ECM2: variants seen among roughly 807,000 people sequenced by gnomAD.
ECM2 encodes the protein extracellular matrix protein 2, female organ and adipocyte specific.
A neutral mutation model predicts 67.5 loss-of-function variants in ECM2; 57 were observed. The ratio of observed to expected loss-of-function variants is 0.84; its 90% CI spans 0.68 to 1.05. The LOEUF (loss-of-function observed/expected upper bound fraction) is 1.05, where lower values mean the gene tolerates loss of function less well. ECM2 is among the 50% of genes least tolerant of loss of function. The pLI, the probability that ECM2 is intolerant of heterozygous loss-of-function variation, is 0.00. For missense variants in ECM2, 741 were observed against 822.8 expected, an observed-to-expected ratio of 0.90 and a Z score of 1.22; for synonymous variants, 258 against 294.5, an observed-to-expected ratio of 0.88 and a Z score of 1.27.
At chr9:92,497,891 AAAG>A (rs1342719320) in intron 9 of ECM2, among the ~76,000 whole-genome samples, 3 of 150,110 alleles carry the variant, frequency 2.0e-5, no homozygotes, top group Non-Finnish European at 1.5e-5. Flanking sequence ...AAAAAAAAAA[AAAG>A]AAGTCTGGCA....
the ECM2 span, among the ~76,000 whole-genome samples, chr9:92,555,590 A>G: frequency 2.0e-5 from 3 of 152,066 alleles, no homozygotes; most frequent in African/African-American, 7.2e-5. Flanking sequence ...AGGTTATCTA[A>G]TTCTTCCTGA....
chr9:92,538,788 G>A (rs1260327760), upstream of ECM2, among the ~76,000 whole-genome samples: 1 of 152,144 alleles, frequency 6.6e-6, no homozygotes, highest in Non-Finnish European at 1.5e-5. Flanking sequence ...ATGTGGTATT[G>A]GTCACCAAAC....
At chr9:92,536,050 T>C (rs1378417153), upstream of ECM2, 5 of 500,866 alleles carry the variant, frequency 1.0e-5, no homozygotes, top group Non-Finnish European at 2.0e-5. Context: ...TGTTGAAAAG[T>C]ATTTGCTGAA....
chr9:92,545,955 T>C, the ECM2 span, among the ~76,000 whole-genome samples: 2 of 152,256 alleles, frequency 1.3e-5, no homozygotes, highest in East Asian at 3.9e-4. Flanking sequence ...CAGCACTCTG[T>C]CTAGCTCAGG....
At chr9:92,544,514 C>T in the ECM2 span, among the ~76,000 whole-genome samples, 1 of 147,560 alleles carries the variant, frequency 6.8e-6, no homozygotes, top group East Asian at 2.0e-4. Flanking sequence ...TGTTGAGGTA[C>T]ATTCTTTCTA....
At chr9:92,545,998 T>C in the ECM2 span, among the ~76,000 whole-genome samples, 1 of 152,118 alleles carries the variant, frequency 6.6e-6, no homozygotes, top group Non-Finnish European at 1.5e-5. Flanking sequence ...ACCTTGTGTC[T>C]AGCTCAGGGA....
chr9:92,525,653 G>A (rs1181079654), intron 1 of ECM2, among the ~76,000 whole-genome samples: 1 of 152,110 alleles, frequency 6.6e-6, no homozygotes, highest in African/African-American at 2.4e-5. Context: ...CACTTTGGGA[G>A]GCCAAGGTGG....
chr9:92,557,226 G>A, the ECM2 span, among the ~76,000 whole-genome samples: 1 of 152,178 alleles, frequency 6.6e-6, no homozygotes, highest in African/African-American at 2.4e-5. Flanking sequence ...TAGGTTACCT[G>A]GTGCTTCTGT....
rs190254490 is a variant in ECM2 at position 92,501,200 on chromosome 9, G to T, written c.1605-147C>A. On this transcript the variant is annotated intron_variant, in intron 8 of 9. Coordinates refer to ENST00000344604, the MANE Select transcript of ECM2 (RefSeq NM_001393.4). ...TGATTCCAAATAGGAACTTTTCCAG[G>T]TATAGCCAGCCCTAGTCTCTTGCAC... The T allele has an allele frequency of 3.9e-5, 31 of 797,298 alleles. No individual in the cohort carries two copies. The African/African-American group carries it at 5.2e-4, about 13-fold the overall frequency. The allele number at this position is 797,298 out of a possible 1,614,324, so 49.4% of individuals were successfully genotyped here.
the ECM2 span, among the ~76,000 whole-genome samples, chr9:92,552,084 T>C: frequency 1.4e-5 from 2 of 138,628 alleles, no homozygotes; most frequent in Admixed American, 7.1e-5. Context: ...ATCTATCATA[T>C]ATGTGATATG....
chr9:92,508,491 A>G (rs1375048992), intron 6 of ECM2, among the ~76,000 whole-genome samples: 1 of 152,226 alleles, frequency 6.6e-6, no homozygotes, highest in East Asian at 1.9e-4. Flanking sequence ...CATGTTTTAT[A>G]ACATCTCATT....
intron 6 of ECM2, among the ~76,000 whole-genome samples, chr9:92,509,491 G>A (rs1412692366): frequency 1.3e-5 from 2 of 152,198 alleles, no homozygotes; most frequent in African/African-American, 4.8e-5. Flanking sequence ...GACCATCAGA[G>A]TGATAAAGGA....
intron 1 of ECM2, among the ~76,000 whole-genome samples, chr9:92,533,328 A>AAAAAATATAT (rs1554683138): frequency 7.8e-5 from 3 of 38,336 alleles, no homozygotes; most frequent in Non-Finnish European, 1.3e-4. Flanking sequence ...AAAAAAAAAA[A>AAAAAATATAT]ATATATATAT....
the ECM2 span, among the ~76,000 whole-genome samples, chr9:92,553,141 A>G: frequency 2.0e-5 from 3 of 152,094 alleles, no homozygotes; most frequent in Non-Finnish European, 2.9e-5. Flanking sequence ...CTAGCCAATT[A>G]TCTCAGCACC....
At chr9:92,532,043 T>TTTTTTTTTTTTTG (rs1303915728) in intron 1 of ECM2, among the ~76,000 whole-genome samples, 1 of 145,050 alleles carries the variant, frequency 6.9e-6, no homozygotes, top group African/African-American at 2.6e-5. Flanking sequence ...TATTTTTTTT[T>TTTTTTTTTTTTTG]TGAGATGAGG....
the ECM2 span, among the ~76,000 whole-genome samples, chr9:92,545,192 C>T: frequency 1.3e-5 from 2 of 152,028 alleles, no homozygotes; most frequent in Non-Finnish European, 2.9e-5. Context: ...GAGCTCCTTC[C>T]TGGGATGGCC....
At chr9:92,559,042 G>T in the ECM2 span, among the ~76,000 whole-genome samples, 2 of 152,068 alleles carry the variant, frequency 1.3e-5, no homozygotes, top group East Asian at 3.9e-4. Context: ...AAACTTACCC[G>T]AGGCTGTCCA....
Position 92,514,993 on chromosome 9 carries a change from G to C in ECM2, c.692C>G (p.Pro231Arg), listed in dbSNP as rs1477385092. ...AAGTTGCCCCTGATTTCTAGATTCA[G>C]GGGTCTCTCTCTTTTGCTCTGTATC... ...EEDTEQKRET[P>R]ESRNQGQLYS... Residue 231 changes from proline (P) to arginine (R), a missense_variant, in exon 4 of 10, where the codon CCT becomes CGT. Physicochemically the swap from Pro to Arg is moderately radical, Grantham distance 103. Transcript: ENST00000344604. 6.2e-7 allele frequency: 1 copy of C among 1,614,066 alleles called. No homozygotes were observed. Among genetic ancestry groups the C allele is most frequent in the South Asian group, 1.1e-5 (1 of 91,064 alleles).
upstream of ECM2, among the ~76,000 whole-genome samples, chr9:92,536,450 C>T (rs942823748): frequency 2.4e-5 from 3 of 127,450 alleles, no homozygotes; most frequent in Non-Finnish European, 5.1e-5. Flanking sequence ...TTTAACTCAT[C>T]TGCCCACCCA....
Sources: gnomAD v4.1 joint callset for allele counts (sites outside exome capture counted in the v4.1 genomes callset) on GRCh38, gnomAD v4.1.1 for gene constraint, MANE v1.5 for transcripts, NCBI Gene and HGNC (gene_info 2026-07-23, HGNC 2026-07-21) for gene names.